Variants in CSMD1 observed in about 807,000 individuals in gnomAD.
The protein encoded by CSMD1 is CUB and sushi domain-containing protein 1.
CSMD1 carries 213 observed loss-of-function variants against 417.5 expected under a neutral mutation model. The ratio of observed to expected loss-of-function variants is 0.51; its 90% CI spans 0.46 to 0.57. CSMD1 has a LOEUF of 0.57. Ranked by LOEUF, CSMD1 falls within the 20% of genes least tolerant of loss-of-function variation. CSMD1 has a pLI of 0.00. For missense variants in CSMD1, 6,923 were observed against 4,529.7 expected (o/e 1.53, Z -15.17); for synonymous variants, 2,862 against 1,736.8 (o/e 1.65, Z -16.11).
chr8:4,181,099 A>G (rs1323157592), intron 3 of CSMD1, among the ~76,000 whole-genome samples: 1 of 152,156 alleles, frequency 6.6e-6, no homozygotes, highest in African/African-American at 2.4e-5. Context: ...ACATTCCAAC[A>G]CATGATTGAC....
rs2129015080 is a variant in CSMD1, at chr8:3,107,767, T to C, written c.6786A>G (p.Pro2262=). 6.3e-7 allele frequency: 1 copy of C among 1,587,838 alleles called. No homozygotes were observed. Among genetic ancestry groups the C allele is most frequent in the South Asian group, 1.2e-5 (1 of 86,180 alleles). The change falls in exon 45 of 70, where the codon CCA becomes CCG. Residue 2262 remains proline, a synonymous_variant. Transcript: ENST00000635120. ...TAAGCATTTCTGCCTGTGGAACCGC[T>C]GGGGGAGGTTGACATTTCTTGAGCT... ...AFQLKKCQPP[P]AVPQAEMLTE...
intron 49 of CSMD1, 73 bp from the exon 50 acceptor site, chr8:3,052,720 A>T: frequency 9.8e-7 from 1 of 1,018,636 alleles, no homozygotes. Flanking sequence ...CCATTGATTG[A>T]TTAATCATTA....
chr8:4,080,610 C>G (rs1401225046), intron 3 of CSMD1, among the ~76,000 whole-genome samples: 1 of 152,130 alleles, frequency 6.6e-6, no homozygotes, highest in Non-Finnish European at 1.5e-5. Flanking sequence ...ATATTCCTTT[C>G]TGGAGTTTAG....
intron 3 of CSMD1, among the ~76,000 whole-genome samples, chr8:4,188,975 G>C (rs992637996): frequency 6.6e-6 from 1 of 152,206 alleles, no homozygotes; most frequent in African/African-American, 2.4e-5. Flanking sequence ...AGGGGACCCA[G>C]ACCTAATGTT....
At chr8:3,167,216 C>T (rs571168416) in intron 37 of CSMD1, among the ~76,000 whole-genome samples, 11 of 145,446 alleles carry the variant, frequency 7.6e-5, no homozygotes, top group South Asian at 2.3e-4. Context: ...ACCCAGGAGG[C>T]GGAGGTTGCA....
chr8:3,430,623 A>G (rs535150020), intron 12 of CSMD1, among the ~76,000 whole-genome samples: 22 of 152,160 alleles, frequency 1.4e-4, no homozygotes, highest in Non-Finnish European at 2.5e-4. Context: ...CCTGTCCAAA[A>G]TGGTGAAACC....
chr8:3,807,498 T>C (rs1800813154), intron 5 of CSMD1, among the ~76,000 whole-genome samples: 1 of 152,196 alleles, frequency 6.6e-6, no homozygotes, highest in Non-Finnish European at 1.5e-5. Context: ...GAAACATGAA[T>C]GCAGCATTAC....
chr8:4,261,432 G>T (rs182583719), intron 3 of CSMD1, among the ~76,000 whole-genome samples: 2 of 152,116 alleles, frequency 1.3e-5, no homozygotes, highest in Non-Finnish European at 1.5e-5. Flanking sequence ...GGGAATAATT[G>T]TCAAAGTTTA....
intron 10 of CSMD1, among the ~76,000 whole-genome samples, chr8:3,560,269 C>A (rs564631104): frequency 6.6e-6 from 1 of 152,068 alleles, no homozygotes; most frequent in African/African-American, 2.4e-5. Context: ...CTGTTAATTA[C>A]TTAGAAGCAT....
intron 41 of CSMD1, among the ~76,000 whole-genome samples, chr8:3,139,669 A>C (rs1434058850): frequency 2.6e-5 from 4 of 152,172 alleles, no homozygotes; most frequent in Non-Finnish European, 5.9e-5. Flanking sequence ...CAAGAGGTCC[A>C]AGGTACATTA....
rs1182575581 is a variant in CSMD1 at position 3,672,586 on chromosome 8, G to A, written c.1009+35828C>T. Among the ~76,000 whole-genome samples, 7 of 152,182 alleles carry A rather than the reference G, an allele frequency of 4.6e-5. No individual in the cohort carries two copies. In the South Asian group the frequency reaches 1.4e-3, roughly 31 times the overall value. On this transcript the variant is annotated intron_variant, in intron 7 of 69. Transcript: ENST00000635120. ...TTAAAGCTCATGGATTCCCAATAAT[G>A]TGTTTACATTTGGCCATTGTCTACT...
chr8:3,769,727 A>G (rs896111434), intron 5 of CSMD1, among the ~76,000 whole-genome samples: 1 of 152,126 alleles, frequency 6.6e-6, no homozygotes, highest in African/African-American at 2.4e-5. Flanking sequence ...ACATACCATT[A>G]CTTATTTAAC....
chr8:3,642,522 G>C lies in CSMD1; in HGVS notation c.1010-25725C>G, dbSNP rs969766326. ...TCTGGAGAAAAACTGCCTTTATCCAGGTCTTCAAGTGTCTCCAAAGATAAA... is the reference window on the plus strand; with the variant it reads ...TCTGGAGAAAAACTGCCTTTATCCACGTCTTCAAGTGTCTCCAAAGATAAA... On this transcript the variant is annotated intron_variant, in intron 7 of 69. Coordinates refer to ENST00000635120, the MANE Select transcript of CSMD1 (RefSeq NM_033225.6). Among the ~76,000 whole-genome samples the C allele has an allele frequency of 2.0e-5, 3 of 152,098 alleles. No individual in the cohort carries two copies. In the East Asian group the frequency reaches 5.8e-4, roughly 29 times the overall value.
At chr8:3,656,527 C>G (rs982951210) in intron 7 of CSMD1, among the ~76,000 whole-genome samples, 2 of 152,172 alleles carry the variant, frequency 1.3e-5, no homozygotes, top group African/African-American at 4.8e-5. Flanking sequence ...TTCTAATCCG[C>G]AAAATAATGG....
chr8:4,367,998 G>A (rs529652563), intron 3 of CSMD1, among the ~76,000 whole-genome samples: 8 of 152,074 alleles, frequency 5.3e-5, no homozygotes, highest in Admixed American at 2.0e-4. Flanking sequence ...TGTCAGTGAA[G>A]TGAGACACCT....
chr8:4,752,354 A>G (rs1443506046), intron 1 of CSMD1, among the ~76,000 whole-genome samples: 1 of 152,118 alleles, frequency 6.6e-6, no homozygotes. Flanking sequence ...AATCTTTTTT[A>G]TTCTCTTGAA....
intron 12 of CSMD1, among the ~76,000 whole-genome samples, chr8:3,457,263 T>A (rs780431247): frequency 3.3e-5 from 5 of 152,050 alleles, no homozygotes. Flanking sequence ...CCTGTTTCCC[T>A]TGCCCTGTAC....
At chr8:4,020,978 C>T (rs1312993129) in intron 4 of CSMD1, among the ~76,000 whole-genome samples, 12 of 152,182 alleles carry the variant, frequency 7.9e-5, no homozygotes, top group Admixed American at 7.9e-4. Flanking sequence ...AGACCCATTG[C>T]CTTATCAGTC....
At chr8:4,938,594 A>ACTTGCATAAACACGTATGTT (rs1807776595) in intron 1 of CSMD1, among the ~76,000 whole-genome samples, 1 of 152,222 alleles carries the variant, frequency 6.6e-6, no homozygotes, top group Admixed American at 6.5e-5. Flanking sequence ...GGGAAAACGC[A>ACTTGCATAAACACGTATGTT]TACTTGCATA....
Sources: allele counts gnomAD v4.1 joint callset (sites outside exome capture counted in the v4.1 genomes callset), GRCh38; gene constraint gnomAD v4.1.1; transcripts MANE v1.5; gene names NCBI Gene and HGNC (gene_info 2026-07-23, HGNC 2026-07-21).